The following LY96 variants were observed in gnomAD, a reference collection of about 807,000 sequenced individuals.
LY96 encodes the protein myeloid differentiation protein-2.
LY96 carries 18 observed loss-of-function variants against 18.9 expected under a neutral mutation model. That is an observed-to-expected ratio of 0.95 (90% confidence interval 0.66 to 1.41). LY96 has a LOEUF of 1.41. Among genes scored for constraint, LY96 ranks in the 40% most tolerant of loss-of-function variants. The pLI is 0.00. For missense variants in LY96, 175 were observed against 182.4 expected, an observed-to-expected ratio of 0.96 and a Z score of 0.23; for synonymous variants, 66 against 62.6, an observed-to-expected ratio of 1.06 and a Z score of -0.26.
the LY96 span, among the ~76,000 whole-genome samples, chr8:74,049,684 T>C: frequency 6.6e-6 from 1 of 152,142 alleles, no homozygotes; most frequent in African/African-American, 2.4e-5. Flanking sequence ...TCTACATGAG[T>C]GCTGTTTCTC....
chr8:74,064,298 A>T, the LY96 span, among the ~76,000 whole-genome samples: 7 of 152,116 alleles, frequency 4.6e-5, no homozygotes, highest in Non-Finnish European at 8.8e-5. Flanking sequence ...TATAGATTGG[A>T]TATTTGTCCC....
chr8:74,033,900 CT>C (rs59809614), downstream of LY96, among the ~76,000 whole-genome samples: 385 of 145,502 alleles, frequency 2.6e-3, no homozygotes, highest in Non-Finnish European at 2.6e-3. Flanking sequence ...CAATTGGAGA[CT>C]TTTTTTTTTT....
chr8:74,071,916 C>T, the LY96 span, among the ~76,000 whole-genome samples: 1 of 152,124 alleles, frequency 6.6e-6, no homozygotes, highest in East Asian at 1.9e-4. Flanking sequence ...TATGCATTTA[C>T]CTGTTGATGT....
At chr8:74,008,459 G>A (rs771798870) in intron 2 of LY96, among the ~76,000 whole-genome samples, 1 of 152,186 alleles carries the variant, frequency 6.6e-6, no homozygotes, top group Non-Finnish European at 1.5e-5. Context: ...GTTTGAAACA[G>A]ACGCCATGAT....
intron 3 of LY96, among the ~76,000 whole-genome samples, chr8:74,013,563 C>T (rs971463718): frequency 6.6e-6 from 1 of 152,102 alleles, no homozygotes; most frequent in African/African-American, 2.4e-5. Flanking sequence ...GCTGGGATTA[C>T]AGGTGTGAGC....
chr8:74,054,099 C>A, the LY96 span, among the ~76,000 whole-genome samples: 2 of 152,160 alleles, frequency 1.3e-5, no homozygotes, highest in South Asian at 4.1e-4. Flanking sequence ...GTGAACAGGG[C>A]TCTCTGCAGC....
At chr8:74,032,491 CT>C (rs1350171224), downstream of LY96, among the ~76,000 whole-genome samples, 6 of 152,228 alleles carry the variant, frequency 3.9e-5, no homozygotes, top group Middle Eastern at 3.2e-3. Context: ...TTGCAGCCCC[CT>C]GTTACGTACC....
At chr8:74,021,980 T>C (rs1368092006) in intron 3 of LY96, among the ~76,000 whole-genome samples, 2 of 152,006 alleles carry the variant, frequency 1.3e-5, no homozygotes, top group Non-Finnish European at 2.9e-5. Context: ...AAATGACTAA[T>C]TAATTGGTGC....
the LY96 span, among the ~76,000 whole-genome samples, chr8:74,042,033 T>C: frequency 1.3e-5 from 2 of 152,208 alleles, no homozygotes; most frequent in East Asian, 3.8e-4. Context: ...GGCCCAGCTG[T>C]AAAATTCCTC....
At chr8:74,044,319 G>A in the LY96 span, among the ~76,000 whole-genome samples, 2 of 151,856 alleles carry the variant, frequency 1.3e-5, no homozygotes, top group African/African-American at 4.8e-5. Flanking sequence ...GTAGCTGAGT[G>A]AGACTACAGG....
At chr8:73,995,565 A>G (rs1196301643) in intron 1 of LY96, among the ~76,000 whole-genome samples, 1 of 152,198 alleles carries the variant, frequency 6.6e-6, no homozygotes, top group Non-Finnish European at 1.5e-5. Context: ...AGGAATGAGG[A>G]CACATTTCTG....
In LY96 at chr8:73,991,510, G is replaced by C; in HGVS notation, c.68G>C (p.Trp23Ser). ...SIFTEAQKQY[W>S]VCNSSDASIS... ...TTTACTGAAGCTCAGAAGCAGTATTGGGTCTGCAACTCATCCGATGCAAGT... is the reference window on the plus strand; with the variant it reads ...TTTACTGAAGCTCAGAAGCAGTATTCGGTCTGCAACTCATCCGATGCAAGT... Residue 23 changes from tryptophan (W) to serine (S), a missense_variant, in exon 1 of 5, where the codon TGG (tryptophan) becomes TCG (serine). Physicochemically the swap from Trp to Ser is radical, Grantham distance 177. Coordinates refer to ENST00000284818, the MANE Select transcript of LY96 (RefSeq NM_015364.5). The C allele has an allele frequency of 6.2e-7, 1 of 1,613,218 alleles. No homozygotes were observed. The highest frequency in any genetic ancestry group is 8.5e-7 in the Non-Finnish European group (1 of 1,179,318).
chr8:74,081,120 T>TC, the LY96 span, among the ~76,000 whole-genome samples: 7 of 140,850 alleles, frequency 5.0e-5, no homozygotes, highest in African/African-American at 1.6e-4. Flanking sequence ...TTTCTTTCTT[T>TC]CTTTCCTTCC....
chr8:74,092,185 C>A, the LY96 span, among the ~76,000 whole-genome samples: 6 of 152,100 alleles, frequency 3.9e-5, no homozygotes, highest in Non-Finnish European at 7.4e-5. Flanking sequence ...GCTCAAAGAA[C>A]TTTTGGGCAT....
downstream of LY96, among the ~76,000 whole-genome samples, chr8:74,029,901 C>T (rs541626737): frequency 7.3e-4 from 111 of 152,288 alleles, no homozygotes; most frequent in Admixed American, 1.4e-3. Context: ...CTCAGGTGAT[C>T]GGACTCCCAA....
chr8:74,058,715 T>C, the LY96 span, among the ~76,000 whole-genome samples: 1 of 152,114 alleles, frequency 6.6e-6, no homozygotes, highest in Non-Finnish European at 1.5e-5. Flanking sequence ...AGATGGGGTT[T>C]CATCATGTTG....
intron 1 of LY96, among the ~76,000 whole-genome samples, chr8:73,995,511 CAT>C (rs1368681873): frequency 1.3e-5 from 2 of 152,140 alleles, no homozygotes; most frequent in African/African-American, 4.8e-5. Flanking sequence ...CAAATGCAGT[CAT>C]ATTCTGAGGT....
intron 1 of LY96, among the ~76,000 whole-genome samples, chr8:73,994,868 A>C (rs1413848119): frequency 6.6e-6 from 1 of 152,152 alleles, no homozygotes; most frequent in Non-Finnish European, 1.5e-5. Flanking sequence ...ATTTTTTCAC[A>C]GTTCTGGAGG....
chr8:74,086,002 T>C, the LY96 span, among the ~76,000 whole-genome samples: 1 of 152,192 alleles, frequency 6.6e-6, no homozygotes, highest in Admixed American at 6.5e-5. Flanking sequence ...ATTCATCTTA[T>C]AACTGAAAGT....
Sources: gnomAD v4.1 joint callset for allele counts (sites outside exome capture counted in the v4.1 genomes callset) on GRCh38, gnomAD v4.1.1 for gene constraint, MANE v1.5 for transcripts, NCBI Gene and HGNC (gene_info 2026-07-23, HGNC 2026-07-21) for gene names.